The following SAMSN1 variants were observed in gnomAD, a reference collection of about 807,000 sequenced individuals.
SAMSN1 encodes the protein SAM domain, SH3 domain and nuclear localization signals 1, also known as SAM domain-containing protein SAMSN-1.
In SAMSN1, 31 loss-of-function variants were observed where a neutral mutation model predicts 42.0. That is an observed-to-expected ratio of 0.74 (90% CI 0.55 to 1.00). The LOEUF (loss-of-function observed/expected upper bound fraction) is 1.00. Among genes scored for constraint, SAMSN1 ranks in the 50% least tolerant of loss-of-function variants. SAMSN1 has a pLI of 0.00. For missense variants in SAMSN1, 464 were observed against 439.4 expected (o/e 1.06, Z -0.50); for synonymous variants, 178 against 151.9 (o/e 1.17, Z -1.26).
intron 1 of SAMSN1, among the ~76,000 whole-genome samples, chr21:14,532,901 ATTAT>A (rs150980572): frequency 0.011 from 1,677 of 151,408 alleles, 28 homozygotes; most frequent in African/African-American, 0.038. Flanking sequence ...TATTACTTTT[ATTAT>A]TTATTTATTT....
intron 2 of SAMSN1, among the ~76,000 whole-genome samples, chr21:14,554,442 T>C (rs1359485342): frequency 6.6e-6 from 1 of 152,158 alleles, no homozygotes; most frequent in East Asian, 1.9e-4. Flanking sequence ...ATATATTCCA[T>C]TATCTTTCTG....
At chr21:14,551,192 A>C (rs1415832005), upstream of SAMSN1, among the ~76,000 whole-genome samples, 1 of 152,120 alleles carries the variant, frequency 6.6e-6, no homozygotes, top group Non-Finnish European at 1.5e-5. Context: ...GAAGCCTCTT[A>C]GAGAGCCTGG....
chr21:14,612,680 A>G (rs1473982841), intron 4 of SAMSN1: 2 of 643,404 alleles, frequency 3.1e-6, no homozygotes, highest in Admixed American at 4.3e-5. Flanking sequence ...TTGCAAATAA[A>G]TCAATGATTT....
chr21:14,546,350 C>T (rs1980393341), upstream of SAMSN1: 2 of 1,569,884 alleles, frequency 1.3e-6, no homozygotes, highest in Non-Finnish European at 1.7e-6. Flanking sequence ...TAATGCACAG[C>T]ATCAGATAAG....
At chr21:14,537,906 C>T (rs1011379231) in intron 1 of SAMSN1, among the ~76,000 whole-genome samples, 8 of 152,192 alleles carry the variant, frequency 5.3e-5, no homozygotes, top group African/African-American at 1.9e-4. Flanking sequence ...CGTGCTGTTG[C>T]TCTATAGGAC....
At chr21:14,487,858 A>G (rs1390347875) in intron 7 of SAMSN1, among the ~76,000 whole-genome samples, 1 of 152,120 alleles carries the variant, frequency 6.6e-6, no homozygotes, top group Non-Finnish European at 1.5e-5. Context: ...ATAGGCACCT[A>G]TTGTGATTGT....
chr21:14,528,056 T>C (rs923581762), intron 1 of SAMSN1, among the ~76,000 whole-genome samples: 2 of 152,114 alleles, frequency 1.3e-5, no homozygotes, highest in African/African-American at 4.8e-5. Context: ...TATTGCTTTT[T>C]CAGGTAGAAA....
At chr21:14,583,661 A>T (rs1329143256), upstream of SAMSN1, 1 of 717,254 alleles carries the variant, frequency 1.4e-6, no homozygotes, top group East Asian at 2.7e-5. Flanking sequence ...GAGGTTTATT[A>T]ATGTCGGTTT....
intron 2 of SAMSN1, among the ~76,000 whole-genome samples, chr21:14,627,700 T>A (rs1158884000): frequency 6.6e-6 from 1 of 152,188 alleles, no homozygotes; most frequent in Non-Finnish European, 1.5e-5. Flanking sequence ...GAATGCTCAA[T>A]AAATGTACTA....
rs114514997 is a variant in SAMSN1 at position 14,509,346 on chromosome 21, A to G, written c.561+964T>C. 4.6e-3 allele frequency among the ~76,000 whole-genome samples: 695 copies of G among 152,302 alleles called. 9 individuals are homozygous for G. The highest frequency in any genetic ancestry group is 0.016 in the African/African-American group (657 of 41,544). ...ATGTTCTCACTCATAAGCAAGAGCTAAGCTATGAAGATGCAAAGGCATAGG... is the reference window on the plus strand; with the variant it reads ...ATGTTCTCACTCATAAGCAAGAGCTGAGCTATGAAGATGCAAAGGCATAGG... On this transcript the variant is annotated intron_variant, in intron 5 of 7. Coordinates refer to ENST00000400566, the MANE Select transcript of SAMSN1 (RefSeq NM_022136.5).
chr21:14,598,984 T>C (rs1196593739), intron 6 of SAMSN1, among the ~76,000 whole-genome samples: 1 of 152,180 alleles, frequency 6.6e-6, no homozygotes, highest in Non-Finnish European at 1.5e-5. Flanking sequence ...GGAACAAAAA[T>C]AAACTTCACT....
At chr21:14,646,295 T>C (rs1349930642) in intron 1 of SAMSN1, among the ~76,000 whole-genome samples, 2 of 152,066 alleles carry the variant, frequency 1.3e-5, no homozygotes, top group African/African-American at 4.8e-5. Flanking sequence ...TAACATACAA[T>C]TGAGCGCCTA....
intron 2 of SAMSN1, among the ~76,000 whole-genome samples, chr21:14,552,477 A>G (rs573297681): frequency 2.8e-4 from 42 of 152,176 alleles, no homozygotes; most frequent in Non-Finnish European, 4.6e-4. Context: ...AAAAGAGGCT[A>G]GAGAGACATC....
intron 5 of SAMSN1, among the ~76,000 whole-genome samples, chr21:14,506,547 A>G (rs1987415254): frequency 6.6e-6 from 1 of 152,198 alleles, no homozygotes; most frequent in South Asian, 2.1e-4. Flanking sequence ...TTGAAATGGT[A>G]ATTTTAAAAT....
At chr21:14,487,364 T>TATCTTG (rs1986483798) in intron 7 of SAMSN1, among the ~76,000 whole-genome samples, 1 of 115,394 alleles carries the variant, frequency 8.7e-6, no homozygotes, top group African/African-American at 6.3e-5. Context: ...TATATATCTA[T>TATCTTG]CTTCTTTAAA....
At chr21:14,651,469 T>A (rs61030685) in intron 1 of SAMSN1, among the ~76,000 whole-genome samples, 1,909 of 152,038 alleles carry the variant, frequency 0.013, 43 homozygotes, top group African/African-American at 0.041. Context: ...AAAATCATTT[T>A]AAAAAATTTG....
At chr21:14,590,842 A>G (rs991583692) in intron 7 of SAMSN1, among the ~76,000 whole-genome samples, 10 of 152,212 alleles carry the variant, frequency 6.6e-5, no homozygotes, top group Non-Finnish European at 1.3e-4. Flanking sequence ...ACTAGTCTCT[A>G]TTCATGACCT....
intron 2 of SAMSN1, among the ~76,000 whole-genome samples, chr21:14,573,963 T>C (rs1394985583): frequency 6.6e-6 from 1 of 152,182 alleles, no homozygotes; most frequent in Non-Finnish European, 1.5e-5. Context: ...ATTTGAATTA[T>C]GAACATATTT....
chr21:14,577,224 TTATATATATGTGTG>T (rs1981501822), intron 2 of SAMSN1, among the ~76,000 whole-genome samples: 3 of 84,190 alleles, frequency 3.6e-5, no homozygotes, highest in African/African-American at 1.5e-4. Context: ...GTGGGCTAAT[TTATATATATGTGTG>T]TATATATATA....
Sources: gnomAD v4.1 joint callset for allele counts (sites outside exome capture counted in the v4.1 genomes callset) on GRCh38, gnomAD v4.1.1 for gene constraint, MANE v1.5 for transcripts, NCBI Gene and HGNC (gene_info 2026-07-23, HGNC 2026-07-21) for gene names.